The following DCC variants were observed in gnomAD, a reference collection of about 807,000 sequenced individuals.
The protein encoded by DCC is DCC netrin 1 receptor.
In DCC, 58 loss-of-function variants were observed where a neutral mutation model predicts 172.5. That is an observed-to-expected ratio of 0.34 (90% CI 0.27 to 0.42). The LOEUF is 0.42. Ranked by LOEUF, DCC falls within the 10% of genes least tolerant of loss-of-function variation. The probability of loss-of-function intolerance (pLI) is 1.00; values close to 1 mark genes in which losing one functional copy is unlikely to be tolerated. For missense variants in DCC, 1,740 were observed against 1,791.0 expected (o/e 0.97, Z 0.51); for synonymous variants, 709 against 644.5 (o/e 1.10, Z -1.52).
chr18:52,769,214 G>T (rs1051544263), intron 2 of DCC, among the ~76,000 whole-genome samples: 3 of 152,176 alleles, frequency 2.0e-5, no homozygotes, highest in African/African-American at 7.2e-5. Context: ...ATGACAGTTT[G>T]TTGCTCCACA....
At chr18:53,429,263 G>GACAACTTTTTTCACCTATCATTTGCCT (rs1319248002) in intron 21 of DCC, among the ~76,000 whole-genome samples, 1 of 146,560 alleles carries the variant, frequency 6.8e-6, no homozygotes, top group Non-Finnish European at 1.5e-5. Context: ...TTTAGAAGAT[G>GACAACTTTTTTCACCTATCATTTGCCT]GTCTCTGCAA....
intron 1 of DCC, among the ~76,000 whole-genome samples, chr18:52,368,399 T>A (rs948867388): frequency 6.6e-6 from 1 of 152,178 alleles, no homozygotes; most frequent in Non-Finnish European, 1.5e-5. Flanking sequence ...AAATTAATTT[T>A]TAATCTCAAA....
At chr18:53,041,213 G>A (rs964763376) in intron 5 of DCC, among the ~76,000 whole-genome samples, 1 of 152,080 alleles carries the variant, frequency 6.6e-6, no homozygotes, top group Non-Finnish European at 1.5e-5. Flanking sequence ...AAGGGGTCCA[G>A]TTTCAGTTTT....
intron 12 of DCC, among the ~76,000 whole-genome samples, chr18:53,260,533 C>A (rs954955805): frequency 6.6e-6 from 1 of 152,016 alleles, no homozygotes; most frequent in Non-Finnish European, 1.5e-5. Context: ...TGGTGAACAG[C>A]AAATGTTGCT....
chr18:53,456,871 G>A (rs2045489645), intron 23 of DCC, among the ~76,000 whole-genome samples: 1 of 152,152 alleles, frequency 6.6e-6, no homozygotes, highest in Non-Finnish European at 1.5e-5. Flanking sequence ...TGTTCCTATA[G>A]GTTTTAAGAC....
chr18:53,276,507 C>T (rs1274420578), intron 12 of DCC, among the ~76,000 whole-genome samples: 1 of 152,108 alleles, frequency 6.6e-6, no homozygotes, highest in African/African-American at 2.4e-5. Flanking sequence ...TCTAAATGTC[C>T]TTCTTTCCTT....
chr18:53,122,712 G>A (rs1388971806), intron 7 of DCC, among the ~76,000 whole-genome samples: 1 of 151,986 alleles, frequency 6.6e-6, no homozygotes, highest in Non-Finnish European at 1.5e-5. Context: ...AAGAGTGAAT[G>A]TCACAGGACT....
intron 12 of DCC, among the ~76,000 whole-genome samples, chr18:53,258,004 TC>T (rs1370000835): frequency 6.6e-6 from 1 of 152,208 alleles, no homozygotes; most frequent in Non-Finnish European, 1.5e-5. Flanking sequence ...TGTGTAGAGG[TC>T]TTTATAGTAT....
intron 21 of DCC, among the ~76,000 whole-genome samples, chr18:53,418,532 G>C (rs1045907501): frequency 6.6e-6 from 1 of 152,132 alleles, no homozygotes; most frequent in African/African-American, 2.4e-5. Context: ...TATGACAGGA[G>C]CTGAGTTTCT....
intron 27 of DCC, among the ~76,000 whole-genome samples, chr18:53,502,840 C>CT (rs57011876): frequency 0.064 from 9,479 of 148,890 alleles, 892 homozygotes; most frequent in African/African-American, 0.2. Flanking sequence ...TGTGAATTTG[C>CT]TTTTTTTTTT....
chr18:53,476,677 T>C (rs2045766928), intron 25 of DCC, among the ~76,000 whole-genome samples: 1 of 152,182 alleles, frequency 6.6e-6, no homozygotes, highest in African/African-American at 2.4e-5. Flanking sequence ...AACAGACTAA[T>C]ACAGGGTTAG....
chr18:53,308,870 G>C (rs1599008862), intron 13 of DCC, among the ~76,000 whole-genome samples: 1 of 152,204 alleles, frequency 6.6e-6, no homozygotes, highest in South Asian at 2.1e-4. Flanking sequence ...GGTGTTGGTA[G>C]GTTCAGCTCC....
intron 25 of DCC, among the ~76,000 whole-genome samples, chr18:53,479,288 A>T (rs1358041217): frequency 6.6e-6 from 1 of 152,186 alleles, no homozygotes; most frequent in Non-Finnish European, 1.5e-5. Flanking sequence ...GACATACTTC[A>T]TTCCACCTCT....
chr18:53,040,269 C>A (rs1568263054), intron 5 of DCC, among the ~76,000 whole-genome samples: 1 of 151,892 alleles, frequency 6.6e-6, no homozygotes, highest in African/African-American at 2.4e-5. Context: ...CTTTAAATCC[C>A]AACCCAATAA....
chr18:52,862,815 G>A (rs1395026828), intron 2 of DCC, among the ~76,000 whole-genome samples: 1 of 152,062 alleles, frequency 6.6e-6, no homozygotes, highest in Admixed American at 6.6e-5. Context: ...AAGAAAATAT[G>A]AGATCAACGG....
At chr18:52,374,512 A>G (rs1210219886) in intron 1 of DCC, among the ~76,000 whole-genome samples, 3 of 152,128 alleles carry the variant, frequency 2.0e-5, no homozygotes, top group African/African-American at 7.2e-5. Flanking sequence ...TGCTATATAT[A>G]TATATATATT....
At chr18:53,107,918 T>C (rs1030889940) in intron 7 of DCC, among the ~76,000 whole-genome samples, 26 of 151,870 alleles carry the variant, frequency 1.7e-4, no homozygotes, top group African/African-American at 4.6e-4. Flanking sequence ...TCTTTTTTCC[T>C]TGTTTGTTTA....
rs117182905 is a variant in DCC at position 53,464,434 on chromosome 18, C to T, written c.3620-3460C>T. 2.5e-3 allele frequency among the ~76,000 whole-genome samples: 373 copies of T among 152,152 alleles called. 1 individual carries two copies. The highest frequency in any genetic ancestry group is 3.9e-3 in the Non-Finnish European group (265 of 68,006). The stretch of plus-strand genomic sequence containing the variant: ...TAGTTATTTTGAATTATATACATGT[C>T]TATTAAATCCTGTATTTAAATTTCC... On this transcript the variant is annotated intron_variant, in intron 24 of 28. Coordinates refer to ENST00000442544, the MANE Select transcript of DCC (RefSeq NM_005215.4).
chr18:52,913,506 T>TC (rs1442981233), intron 3 of DCC, among the ~76,000 whole-genome samples: 1 of 152,094 alleles, frequency 6.6e-6, no homozygotes, highest in East Asian at 1.9e-4. Context: ...AGTTTTTTTT[T>TC]CTATTTTTAT....
Sources: gnomAD v4.1 joint callset for allele counts (sites outside exome capture counted in the v4.1 genomes callset) on GRCh38, gnomAD v4.1.1 for gene constraint, MANE v1.5 for transcripts, NCBI Gene and HGNC (gene_info 2026-07-23, HGNC 2026-07-21) for gene names.